DDX60: variants seen among roughly 807,000 people sequenced by gnomAD.
DDX60 encodes the protein DExD/H-box helicase 60, also known as probable ATP-dependent RNA helicase DDX60.
A neutral mutation model predicts 212.8 loss-of-function variants in DDX60; 165 were observed. The ratio of observed to expected loss-of-function variants is 0.78; its 90% CI spans 0.68 to 0.88. DDX60 has a LOEUF of 0.88. Among genes scored for constraint, DDX60 ranks in the 40% least tolerant of loss-of-function variants. DDX60 has a pLI of 0.00. For synonymous variants in DDX60, 703 were observed against 685.3 expected, an observed-to-expected ratio of 1.03 and a Z score of -0.40; for missense variants, 1,905 against 2,003.9, an observed-to-expected ratio of 0.95 and a Z score of 0.94.
At chr4:168,257,338 G>T (rs1734454592) in intron 25 of DDX60, among the ~76,000 whole-genome samples, 1 of 152,052 alleles carries the variant, frequency 6.6e-6, no homozygotes, top group South Asian at 2.1e-4. Flanking sequence ...ATACACAGTT[G>T]TCAGGCATTA....
intron 5 of DDX60, among the ~76,000 whole-genome samples, chr4:168,303,365 G>T (rs1736735291): frequency 6.6e-6 from 1 of 151,486 alleles, no homozygotes; most frequent in African/African-American, 2.4e-5. Flanking sequence ...TTAAAACTCA[G>T]ATTTAGAAAT....
intron 19 of DDX60, among the ~76,000 whole-genome samples, chr4:168,270,541 A>G (rs1047682324): frequency 2.6e-5 from 4 of 152,246 alleles, no homozygotes; most frequent in Non-Finnish European, 4.4e-5. Context: ...CCAAAGTCAT[A>G]TCGTCATAGC....
chr4:168,244,356 T>A (rs1733951603), intron 30 of DDX60, among the ~76,000 whole-genome samples: 1 of 152,168 alleles, frequency 6.6e-6, no homozygotes. Context: ...CACTACAGCC[T>A]ATGGTATAGA....
chr4:168,296,165 A>G (rs768132052), intron 6 of DDX60, among the ~76,000 whole-genome samples: 1 of 152,338 alleles, frequency 6.6e-6, no homozygotes, highest in East Asian at 1.9e-4. Context: ...ATAAAAAATG[A>G]TAGGTAAGCA....
chr4:168,261,358 G>A (rs1005848951), intron 24 of DDX60, among the ~76,000 whole-genome samples: 1 of 151,968 alleles, frequency 6.6e-6, no homozygotes, highest in African/African-American at 2.4e-5. Flanking sequence ...TATTTTCAAG[G>A]TCTGTAAATG....
chr4:168,278,942 T>G (rs1211570272), intron 14 of DDX60, among the ~76,000 whole-genome samples: 1 of 152,090 alleles, frequency 6.6e-6, no homozygotes, highest in Non-Finnish European at 1.5e-5. Flanking sequence ...AAGGATACCA[T>G]CCAAAGCAAG....
chr4:168,243,951 G>T (rs1299715635), intron 30 of DDX60, among the ~76,000 whole-genome samples: 2 of 152,168 alleles, frequency 1.3e-5, no homozygotes, highest in African/African-American at 4.8e-5. Context: ...CATGTGCTTT[G>T]TTGGGACATG....
At chr4:168,306,286 A>G in intron 5 of DDX60, 93 bp downstream of exon 5, 1 of 793,136 alleles carries the variant, frequency 1.3e-6, no homozygotes, top group Non-Finnish European at 2.0e-6. Flanking sequence ...AGCCTCTGAT[A>G]ATTTCCTAGA....
chr4:168,288,394 T>C, intron 8 of DDX60, 79 bp from the exon 9 acceptor site: 1 of 980,708 alleles, frequency 1.0e-6, no homozygotes, highest in African/African-American at 1.7e-5. Flanking sequence ...GCTTCTGAAC[T>C]GAAAGGCAGT....
chr4:168,255,496 TC>T (rs1400350815), intron 26 of DDX60, among the ~76,000 whole-genome samples: 1 of 152,166 alleles, frequency 6.6e-6, no homozygotes, highest in East Asian at 1.9e-4. Flanking sequence ...CTCTCCCAAG[TC>T]CTAAATGAGG....
rs1355479487 is a variant in DDX60 at position 168,271,963 on chromosome 4, A to C, written c.2670+80T>G. On this transcript the variant is annotated intron_variant, in intron 19 of 37. Transcript: ENST00000393743. ...ATCTGAACTCCATCCAAGGGGATAGATGTCCTGAAACACCAAATATCTTCA... is the reference window on the plus strand; with the variant it reads ...ATCTGAACTCCATCCAAGGGGATAGCTGTCCTGAAACACCAAATATCTTCA... The C allele has an allele frequency of 1.9e-5, 21 of 1,125,166 alleles. 1 individual carries two copies. The highest frequency in any genetic ancestry group is 4.1e-5 in the Admixed American group (2 of 48,806). The allele number at this position is 1,125,166 out of a possible 1,614,324, so 69.7% of individuals were successfully genotyped here. A position where few individuals can be genotyped will look rare whatever the true frequency, so the allele number is the denominator to read the frequency against.
chr4:168,322,551 T>C (rs190249363), upstream of DDX60, among the ~76,000 whole-genome samples: 9 of 152,236 alleles, frequency 5.9e-5, no homozygotes, highest in East Asian at 1.2e-3. Context: ...ACTGAGCACA[T>C]CAAGACCCCA....
At chr4:168,243,730 C>T (rs10021145) in intron 30 of DDX60, among the ~76,000 whole-genome samples, 25,572 of 152,086 alleles carry the variant, frequency 0.17, 3,734 homozygotes, top group African/African-American at 0.39. Context: ...AGAAATACCA[C>T]TTGACCCAGC....
intron 6 of DDX60, among the ~76,000 whole-genome samples, chr4:168,297,590 AAGAC>A (rs1460645105): frequency 3.3e-5 from 5 of 152,190 alleles, no homozygotes; most frequent in Non-Finnish European, 7.3e-5. Flanking sequence ...GTGGAAATGA[AAGAC>A]AGAAAAATAT....
At chr4:168,291,709 A>T in intron 8 of DDX60, 39 bp downstream of exon 8, 1 of 1,486,558 alleles carries the variant, frequency 6.7e-7, no homozygotes, top group Non-Finnish European at 8.9e-7. Flanking sequence ...TCAAACATTC[A>T]AAACACAAAA....
chr4:168,311,505 G>A (rs1737132833), intron 1 of DDX60, 140 bp from the exon 2 acceptor site: 2 of 460,628 alleles, frequency 4.3e-6, no homozygotes, highest in Non-Finnish European at 7.7e-6. Flanking sequence ...AGAGCTTAAA[G>A]ATAATTATTA....
chr4:168,239,977 C>T (rs1025375954), intron 30 of DDX60, among the ~76,000 whole-genome samples: 4 of 151,810 alleles, frequency 2.6e-5, no homozygotes, highest in African/African-American at 9.7e-5. Context: ...CTGGCCAGGG[C>T]AATCAGGCAA....
chr4:168,266,369 G>T (rs114380326), intron 22 of DDX60, among the ~76,000 whole-genome samples: 528 of 152,294 alleles, frequency 3.5e-3, no homozygotes, highest in African/African-American at 0.012. Context: ...GTTAGGAAAT[G>T]AAGGACACAA....
intron 22 of DDX60, chr4:168,265,450 C>T (rs546104105): frequency 2.0e-5 from 3 of 152,252 alleles, no homozygotes; most frequent in Admixed American, 2.0e-4. Flanking sequence ...GCTGTCAAAA[C>T]GGACTTACTA....
Sources: gnomAD v4.1 joint callset for allele counts (sites outside exome capture counted in the v4.1 genomes callset) on GRCh38, gnomAD v4.1.1 for gene constraint, MANE v1.5 for transcripts, NCBI Gene and HGNC (gene_info 2026-07-23, HGNC 2026-07-21) for gene names.